SLC35F3: variants seen among roughly 807,000 people sequenced by gnomAD.
The protein encoded by SLC35F3 is solute carrier family 35 member F3.
A neutral mutation model predicts 49.9 loss-of-function variants in SLC35F3; 25 were observed. That is an observed-to-expected ratio of 0.50 (90% CI 0.37 to 0.70). SLC35F3 has a LOEUF of 0.70. SLC35F3 is among the 30% of genes least tolerant of loss of function. The probability of loss-of-function intolerance (pLI) is 0.00; values close to 1 mark genes in which losing one functional copy is unlikely to be tolerated. For synonymous variants in SLC35F3, 275 were observed against 265.4 expected, an observed-to-expected ratio of 1.04 and a Z score of -0.35; for missense variants, 525 against 639.8, an observed-to-expected ratio of 0.82 and a Z score of 1.94.
chr1:234,190,394 A>G (rs1666713163), intron 2 of SLC35F3, among the ~76,000 whole-genome samples: 1 of 152,254 alleles, frequency 6.6e-6, no homozygotes, highest in Non-Finnish European at 1.5e-5. Context: ...ATGTAAATGG[A>G]CACCAAAAGT....
chr1:234,252,929 C>T (rs1298438458), intron 3 of SLC35F3, among the ~76,000 whole-genome samples: 1 of 152,178 alleles, frequency 6.6e-6, no homozygotes, highest in Non-Finnish European at 1.5e-5. Context: ...AACATGATAT[C>T]ATTACAGCAT....
chr1:234,111,513 G>A (rs1352343822), intron 2 of SLC35F3, among the ~76,000 whole-genome samples: 2 of 152,138 alleles, frequency 1.3e-5, no homozygotes, highest in South Asian at 2.1e-4. Context: ...GGCTGGTCTC[G>A]AACTCCTGAC....
rs191113198 is a variant in SLC35F3 at position 234,048,211 on chromosome 1, T to C, written c.283+142453T>C. 6.6e-5 allele frequency among the ~76,000 whole-genome samples: 10 copies of C among 152,250 alleles called. No individual in the cohort carries two copies. In the East Asian group the frequency reaches 1.7e-3, roughly 27 times the overall value. On this transcript the variant is annotated intron_variant, in intron 2 of 7. Transcript: ENST00000366618. ...ACAGTAAAATGTGAGAGAAGAAAGA[T>C]AAATTGAAAGAAGTGGTAAGCAAAA...
At chr1:234,274,982 C>T (rs1668176797) in intron 3 of SLC35F3, among the ~76,000 whole-genome samples, 1 of 152,172 alleles carries the variant, frequency 6.6e-6, no homozygotes, top group Non-Finnish European at 1.5e-5. Context: ...CACATTCCCA[C>T]CCACTCCTAT....
intron 2 of SLC35F3, among the ~76,000 whole-genome samples, chr1:233,997,755 T>C (rs1663484118): frequency 6.7e-6 from 1 of 149,982 alleles, no homozygotes; most frequent in East Asian, 2.0e-4. Flanking sequence ...ATTTTCTTTC[T>C]TTTTTTTTTC....
chr1:234,059,858 G>T (rs147827280), intron 2 of SLC35F3, among the ~76,000 whole-genome samples: 1 of 152,156 alleles, frequency 6.6e-6, no homozygotes, highest in Admixed American at 6.5e-5. Context: ...AGGCTGGGAG[G>T]CTAGGCCCAT....
intron 2 of SLC35F3, among the ~76,000 whole-genome samples, chr1:233,956,991 C>T (rs984617676): frequency 3.3e-5 from 5 of 152,240 alleles, no homozygotes; most frequent in Non-Finnish European, 7.3e-5. Flanking sequence ...ACATGGAGGG[C>T]ATCGACCTCT....
At chr1:233,996,392 G>A (rs930558861) in intron 2 of SLC35F3, among the ~76,000 whole-genome samples, 5 of 152,092 alleles carry the variant, frequency 3.3e-5, no homozygotes, top group Admixed American at 2.6e-4. Context: ...GGAGGATCTT[G>A]GAACCAATCC....
At chr1:234,232,404 A>C (rs1365595994) in intron 3 of SLC35F3, among the ~76,000 whole-genome samples, 25 of 150,578 alleles carry the variant, frequency 1.7e-4, no homozygotes, top group Admixed American at 1.6e-3. Context: ...CCCGGGAGTC[A>C]CACTGTAGGT....
intron 2 of SLC35F3, among the ~76,000 whole-genome samples, chr1:234,221,846 T>G (rs889039272): frequency 1.3e-5 from 2 of 152,146 alleles, no homozygotes; most frequent in Non-Finnish European, 2.9e-5. Flanking sequence ...AGAAAGAGGA[T>G]TATAATAGAT....
At chr1:234,175,299 G>A (rs571393696) in intron 2 of SLC35F3, among the ~76,000 whole-genome samples, 7 of 152,170 alleles carry the variant, frequency 4.6e-5, no homozygotes, top group South Asian at 4.2e-4. Flanking sequence ...TTCTTCTCTC[G>A]CATTGTCCAT....
At chr1:234,153,455 A>G (rs1311463204) in intron 2 of SLC35F3, among the ~76,000 whole-genome samples, 1 of 152,150 alleles carries the variant, frequency 6.6e-6, no homozygotes, top group Non-Finnish European at 1.5e-5. Flanking sequence ...ACAAATAATA[A>G]TAAAATAAAA....
chr1:234,112,690 G>A (rs1394029630), intron 2 of SLC35F3, among the ~76,000 whole-genome samples: 1 of 141,634 alleles, frequency 7.1e-6, no homozygotes, highest in Non-Finnish European at 1.5e-5. Context: ...AGAGTAGCTG[G>A]GACTACAGGC....
intron 3 of SLC35F3, among the ~76,000 whole-genome samples, chr1:234,304,437 T>C (rs1193087077): frequency 9.5e-6 from 1 of 104,746 alleles, no homozygotes; most frequent in East Asian, 2.7e-4. Flanking sequence ...TGTCTATTAA[T>C]TTCTAAAATG....
intron 2 of SLC35F3, among the ~76,000 whole-genome samples, chr1:233,974,254 G>A (rs1049613226): frequency 7.3e-6 from 1 of 137,546 alleles, no homozygotes; most frequent in Non-Finnish European, 1.5e-5. Flanking sequence ...GCACAATCTC[G>A]GCTCACTGCA....
intron 2 of SLC35F3, among the ~76,000 whole-genome samples, chr1:233,940,369 C>CAGAG (rs10579621): frequency 2.0e-4 from 30 of 146,970 alleles, no homozygotes; most frequent in South Asian, 1.1e-3. Context: ...CACACACACA[C>CAGAG]AGAGAGAGAG....
At chr1:234,170,284 C>A (rs1044813499) in intron 2 of SLC35F3, among the ~76,000 whole-genome samples, 1 of 152,180 alleles carries the variant, frequency 6.6e-6, no homozygotes, top group Non-Finnish European at 1.5e-5. Context: ...GGGGGCACGG[C>A]AGCTCGTAGG....
chr1:234,244,201 A>G (rs149739883), intron 3 of SLC35F3, among the ~76,000 whole-genome samples: 2 of 152,346 alleles, frequency 1.3e-5, no homozygotes, highest in Non-Finnish European at 2.9e-5. Flanking sequence ...CTTATTGGCC[A>G]AAAGCTTCCA....
intron 2 of SLC35F3, among the ~76,000 whole-genome samples, chr1:233,973,190 T>C (rs983439953): frequency 1.3e-5 from 2 of 152,152 alleles, no homozygotes; most frequent in African/African-American, 4.8e-5. Flanking sequence ...GAATAATATA[T>C]TTTGGTGCTG....
Sources: gnomAD v4.1 joint callset for allele counts (sites outside exome capture counted in the v4.1 genomes callset) on GRCh38, gnomAD v4.1.1 for gene constraint, MANE v1.5 for transcripts, NCBI Gene and HGNC (gene_info 2026-07-23, HGNC 2026-07-21) for gene names.